CEP128: variants seen among roughly 807,000 people sequenced by gnomAD.
CEP128 encodes the protein centrosomal protein 128, also known as centrosomal protein 128kDa.
In CEP128, 132 loss-of-function variants were observed where a neutral mutation model predicts 156.7. The ratio of observed to expected loss-of-function variants is 0.84; its 90% CI spans 0.73 to 0.97. The LOEUF (loss-of-function observed/expected upper bound fraction) is 0.97, where lower values mean the gene tolerates loss of function less well. CEP128 is among the 50% of genes least tolerant of loss of function. The pLI, the probability that CEP128 is intolerant of heterozygous loss-of-function variation, is 0.00. For synonymous variants in CEP128, 469 were observed against 448.9 expected (o/e 1.04, Z -0.57); for missense variants, 1,252 against 1,281.9 (o/e 0.98, Z 0.36).
At chr14:80,905,751 T>C in intron 5 of CEP128, 2 of 463,578 alleles carry the variant, frequency 4.3e-6, no homozygotes, top group Non-Finnish European at 7.3e-6. Flanking sequence ...TCTACAGAGT[T>C]TGAGAAAAAA....
At chr14:80,596,819 C>CAAA (rs57402112) in intron 19 of CEP128, among the ~76,000 whole-genome samples, 4,234 of 14,146 alleles carry the variant, frequency 0.3, 1,709 homozygotes, top group Non-Finnish European at 0.33. Context: ...GACACTGTCA[C>CAAA]AAAAAAAAAA....
intron 9 of CEP128, among the ~76,000 whole-genome samples, chr14:80,850,417 GT>G (rs1009771012): frequency 1.2e-4 from 18 of 152,158 alleles, no homozygotes; most frequent in African/African-American, 4.3e-4. Flanking sequence ...CTGACGACTA[GT>G]GGTCAAAACT....
intron 8 of CEP128, among the ~76,000 whole-genome samples, chr14:80,883,950 A>T (rs771528148): frequency 6.6e-6 from 1 of 152,214 alleles, no homozygotes; most frequent in Non-Finnish European, 1.5e-5. Context: ...CTCATTCTAG[A>T]CCAAGTTGCA....
At chr14:80,681,338 C>G (rs573145393) in intron 19 of CEP128, among the ~76,000 whole-genome samples, 1 of 152,100 alleles carries the variant, frequency 6.6e-6, no homozygotes, top group Non-Finnish European at 1.5e-5. Flanking sequence ...ATACTGGCAC[C>G]ACGAAAAATC....
chr14:80,760,654 C>A (rs77924698), intron 17 of CEP128, among the ~76,000 whole-genome samples: 7,576 of 152,136 alleles, frequency 0.05, 211 homozygotes, highest in Non-Finnish European at 0.065. Context: ...TATGGCTACA[C>A]ATATCAAAAC....
At chr14:80,736,707 C>T (rs987058059) in intron 19 of CEP128, among the ~76,000 whole-genome samples, 2 of 152,064 alleles carry the variant, frequency 1.3e-5, no homozygotes, top group South Asian at 4.1e-4. Flanking sequence ...ATTTTAGGCC[C>T]GTTACACAGA....
At chr14:80,608,727 A>T (rs978115331) in intron 19 of CEP128, among the ~76,000 whole-genome samples, 1 of 152,190 alleles carries the variant, frequency 6.6e-6, no homozygotes, top group Non-Finnish European at 1.5e-5. Context: ...TACCCTGGCT[A>T]ACTCTTACTT....
Position 80,803,658 on chromosome 14 carries a change from C to T in CEP128, c.1210-10548G>A, listed in dbSNP as rs142367685. Among the ~76,000 whole-genome samples the T allele has an allele frequency of 1.7e-4, 26 of 152,178 alleles. 1 individual carries two copies. The East Asian group carries it at 4.1e-3, about 24-fold the overall frequency. The stretch of plus-strand genomic sequence containing the variant: ...AAGATCAACATGTGAATCTGATCAA[C>T]AAGACACCACTCCCAAATATTCACA... On this transcript the variant is annotated intron_variant, in intron 13 of 24. Coordinates refer to ENST00000555265, the MANE Select transcript of CEP128 (RefSeq NM_152446.5).
chr14:80,481,817 C>T (rs1458038439), intron 14 of CEP128, among the ~76,000 whole-genome samples: 1 of 152,204 alleles, frequency 6.6e-6, no homozygotes, highest in Non-Finnish European at 1.5e-5. Flanking sequence ...GTATGTGATC[C>T]TAGTTCACCT....
At chr14:80,759,071 C>T (rs972621091) in intron 17 of CEP128, among the ~76,000 whole-genome samples, 2 of 152,196 alleles carry the variant, frequency 1.3e-5, no homozygotes, top group African/African-American at 4.8e-5. Flanking sequence ...TTTACTTGAG[C>T]TCTTGGATTA....
At chr14:80,822,289 T>C (rs1885228707) in intron 13 of CEP128, among the ~76,000 whole-genome samples, 2 of 152,168 alleles carry the variant, frequency 1.3e-5, no homozygotes, top group Admixed American at 1.3e-4. Flanking sequence ...AGTTAGTTAC[T>C]TCCTAGATAC....
At chr14:80,644,560 C>T (rs188451897) in intron 19 of CEP128, among the ~76,000 whole-genome samples, 30 of 152,136 alleles carry the variant, frequency 2.0e-4, no homozygotes, top group African/African-American at 6.5e-4. Context: ...TCAGAAATTC[C>T]ACTGATACAG....
chr14:80,726,540 G>C (rs983590300), intron 19 of CEP128, among the ~76,000 whole-genome samples: 1 of 152,150 alleles, frequency 6.6e-6, no homozygotes, highest in Non-Finnish European at 1.5e-5. Flanking sequence ...TAAAAGCAGA[G>C]AGTGTCCTCT....
At chr14:80,547,149 G>C (rs932675502) in intron 21 of CEP128, among the ~76,000 whole-genome samples, 9 of 152,146 alleles carry the variant, frequency 5.9e-5, no homozygotes, top group African/African-American at 1.7e-4. Flanking sequence ...ATGCAATCTA[G>C]GGGCAGGCCA....
chr14:80,729,058 GGTGTGTGTGTGTGT>G lies in CEP128; in HGVS notation c.2806+14003_2806+14016del, dbSNP rs559470308. On this transcript the variant is annotated intron_variant, in intron 19 of 24. Coordinates refer to ENST00000555265, the MANE Select transcript of CEP128 (RefSeq NM_152446.5). The stretch of plus-strand genomic sequence containing the variant: ...CCTAGTCCCAGGCTGGGCTGGTGGG[GGTGTGTGTGTGTGT>G]GTGTGTGTGTGTGTGTGTGTGTGTG... Among the ~76,000 whole-genome samples the G allele has an allele frequency of 2.2e-3, 226 of 105,052 alleles. 2 individuals are homozygous for G. The highest frequency in any genetic ancestry group is 2.6e-3 in the Admixed American group (26 of 10,004). 68.9% of individuals were successfully genotyped at this position (105,052 alleles called of 152,430 possible). A position where few individuals can be genotyped will look rare whatever the true frequency, so the allele number is the denominator to read the frequency against.
chr14:80,729,393 T>TAC (rs1555395895), intron 19 of CEP128, among the ~76,000 whole-genome samples: 3 of 151,794 alleles, frequency 2.0e-5, no homozygotes, highest in Non-Finnish European at 2.9e-5. Context: ...TATATATATA[T>TAC]ACCACATTTT....
At chr14:80,616,162 T>G (rs1472904067) in intron 19 of CEP128, among the ~76,000 whole-genome samples, 1 of 152,206 alleles carries the variant, frequency 6.6e-6, no homozygotes, top group Non-Finnish European at 1.5e-5. Flanking sequence ...TAACAAAACT[T>G]AAAAATTTGC....
chr14:80,717,289 T>G (rs28451240), intron 19 of CEP128, among the ~76,000 whole-genome samples: 1 of 152,118 alleles, frequency 6.6e-6, no homozygotes, highest in African/African-American at 2.4e-5. Flanking sequence ...AAAGAACATA[T>G]GAAAATACTG....
chr14:80,632,269 T>C (rs1328118537), intron 19 of CEP128, among the ~76,000 whole-genome samples: 1 of 151,688 alleles, frequency 6.6e-6, no homozygotes, highest in African/African-American at 2.4e-5. Context: ...ATTGTATACA[T>C]AGAATTATAC....
Sources: gnomAD v4.1 joint callset for allele counts (sites outside exome capture counted in the v4.1 genomes callset) on GRCh38, gnomAD v4.1.1 for gene constraint, MANE v1.5 for transcripts, NCBI Gene and HGNC (gene_info 2026-07-23, HGNC 2026-07-21) for gene names.